The following TTC6 variants were observed in gnomAD, a reference collection of about 807,000 sequenced individuals.
TTC6 encodes tetratricopeptide repeat protein 6.
TTC6 carries 172 observed loss-of-function variants against 210.4 expected under a neutral mutation model. That is an observed-to-expected ratio of 0.82 (90% CI 0.72 to 0.93). The LOEUF (loss-of-function observed/expected upper bound fraction) is 0.93, where lower values mean the gene tolerates loss of function less well. TTC6 is among the 40% of genes least tolerant of loss of function. TTC6 has a pLI of 0.00. For missense variants in TTC6, 2,414 were observed against 2,318.1 expected, an observed-to-expected ratio of 1.04 and a Z score of -0.85; for synonymous variants, 804 against 819.6, an observed-to-expected ratio of 0.98 and a Z score of 0.32.
intron 7 of TTC6, among the ~76,000 whole-genome samples, chr14:37,732,479 G>A (rs1434688651): frequency 1.3e-5 from 2 of 151,524 alleles, no homozygotes; most frequent in Admixed American, 6.6e-5. Flanking sequence ...CACCACGCCC[G>A]GCCTTATGTA....
chr14:37,605,857 G>T (rs900155224), intron 1 of TTC6, among the ~76,000 whole-genome samples: 1 of 151,292 alleles, frequency 6.6e-6, no homozygotes, highest in Non-Finnish European at 1.5e-5. Flanking sequence ...AGTGTTATTT[G>T]TATCTTTTCT....
chr14:37,747,406 G>A (rs1207675137), intron 10 of TTC6, among the ~76,000 whole-genome samples: 1 of 152,196 alleles, frequency 6.6e-6, no homozygotes, highest in Non-Finnish European at 1.5e-5. Flanking sequence ...AAATGATAAT[G>A]CAGTATCCTG....
intron 14 of TTC6, among the ~76,000 whole-genome samples, chr14:37,774,388 G>A (rs1370627295): frequency 1.3e-5 from 2 of 152,042 alleles, no homozygotes; most frequent in African/African-American, 2.4e-5. Flanking sequence ...TTGGTGTTGA[G>A]TATAGGTTTG....
Position 37,804,822 on chromosome 14 carries a change from G to C in TTC6, c.4164+8G>C. ...GAAGGCAATTTACAAATGGTATTTCGTGTATTTAGGAGTATAGATTATTTG... is the reference window on the plus strand; with the variant it reads ...GAAGGCAATTTACAAATGGTATTTCCTGTATTTAGGAGTATAGATTATTTG... On this transcript the variant is annotated splice_region_variant and intron_variant, in intron 21 of 30. Transcript: ENST00000553443. 8 of 1,612,548 alleles carry C rather than the reference G, an allele frequency of 5.0e-6. No homozygotes were observed. The highest frequency in any genetic ancestry group is 6.8e-6 in the Non-Finnish European group (8 of 1,179,364).
At chr14:37,832,032 C>T (rs2096186518) in intron 29 of TTC6, among the ~76,000 whole-genome samples, 1 of 152,024 alleles carries the variant, frequency 6.6e-6, no homozygotes, top group African/African-American at 2.4e-5. Flanking sequence ...TGTCTTGAAC[C>T]ATCTCCACAA....
At position 37,725,016 on chromosome 14, in the gene TTC6, T is replaced by G. The variant is rs1472242141; in HGVS notation, c.1818+14T>G. On this transcript the variant is annotated intron_variant, in intron 7 of 30. Coordinates refer to ENST00000553443, the Ensembl canonical transcript of TTC6. ...CCAAAATATGAGGTAACATACCGAA[T>G]GGGTTTTCTCTATTATTGTTGTTGT... The G allele has an allele frequency of 2.9e-6, 4 of 1,386,876 alleles. No individual in the cohort carries two copies. The highest frequency in any genetic ancestry group is 2.9e-6 in the Non-Finnish European group (3 of 1,026,458). The allele number at this position is 1,386,876 out of a possible 1,614,324, so 85.9% of individuals were successfully genotyped here.
chr14:37,817,627 A>G, exon 26 of TTC6: 1 of 1,614,042 alleles, frequency 6.2e-7, no homozygotes, highest in Non-Finnish European at 8.5e-7. Flanking sequence ...AGCCTTTGTC[A>G]CGCCACTGCC....
In TTC6 at chr14:37,787,649, T is replaced by G. The variant is rs1197082572; in HGVS notation, c.3436+12T>G. 6.9e-7 allele frequency: 1 copy of G among 1,441,586 alleles called. No individual in the cohort carries two copies. The highest frequency in any genetic ancestry group is 1.5e-5 in the South Asian group (1 of 67,882). 89.3% of individuals were successfully genotyped at this position (1,441,586 alleles called of 1,614,324 possible). A position where few individuals can be genotyped will look rare whatever the true frequency, so the allele number is the denominator to read the frequency against. On this transcript the variant is annotated intron_variant, in intron 15 of 30. Transcript: ENST00000553443. ...TTATAGTGTTTCAGGTACTTTGCCT[T>G]CAATTACATGTATATAGCAACCCAA...
At chr14:37,691,302 C>T (rs2095803168) in intron 3 of TTC6, among the ~76,000 whole-genome samples, 1 of 152,086 alleles carries the variant, frequency 6.6e-6, no homozygotes, top group Non-Finnish European at 1.5e-5. Flanking sequence ...TGCACTACAG[C>T]CTGTGTGACA....
intron 14 of TTC6, among the ~76,000 whole-genome samples, chr14:37,773,001 G>A (rs1566944822): frequency 2.0e-5 from 3 of 152,104 alleles, no homozygotes; most frequent in Admixed American, 1.3e-4. Context: ...CTAACGATTA[G>A]TGATATTGAG....
At position 37,604,338 on chromosome 14, in the gene TTC6, A is replaced by T. The variant is rs2095621236; in HGVS notation, c.-234-2325A>T. On this transcript the variant is annotated intron_variant, in intron 1 of 2. Coordinates refer to the TTC6 transcript ENST00000556845. ...GATCCAGAGACTGCATCAAGTTCAC[A>T]TTAAGGACCTTCTGGGGTAAGGTGG... 2.6e-5 allele frequency among the ~76,000 whole-genome samples: 4 copies of T among 152,208 alleles called. No individual in the cohort carries two copies. In the South Asian group the frequency reaches 8.3e-4, roughly 31 times the overall value.
intron 29 of TTC6, among the ~76,000 whole-genome samples, chr14:37,834,998 G>A (rs890949300): frequency 1.2e-4 from 18 of 152,136 alleles, no homozygotes; most frequent in African/African-American, 4.1e-4. Flanking sequence ...GTGGTTATTT[G>A]TGGACACTGT....
At chr14:37,778,270 G>C (rs1468396013) in intron 14 of TTC6, among the ~76,000 whole-genome samples, 1 of 152,098 alleles carries the variant, frequency 6.6e-6, no homozygotes, top group East Asian at 1.9e-4. Flanking sequence ...GTTGGGTAGG[G>C]GTTCAGGTCC....
rs377419290 is a variant in TTC6, at chr14:37,823,727, A to G, written c.4764-20A>G. ...TGCATCAGTTCACCAGAAGGCATCA[A>G]TATTTTTATTTATTTGCAGAATTAA... is the stretch of plus-strand genomic sequence containing the variant. On this transcript the variant is annotated intron_variant, in intron 26 of 30. Coordinates refer to ENST00000553443, the Ensembl canonical transcript of TTC6. The G allele has an allele frequency of 5.0e-6, 8 of 1,604,662 alleles. No homozygotes were observed. In the African/African-American group the frequency reaches 8.0e-5, roughly 16 times the overall value.
chr14:37,670,307 C>G (rs2095755722), intron 1 of TTC6, among the ~76,000 whole-genome samples: 2 of 151,994 alleles, frequency 1.3e-5, no homozygotes, highest in Admixed American at 1.3e-4. Context: ...TGGAATGTGT[C>G]TTTCAAAGTT....
chr14:37,772,873 C>T (rs1256473467), intron 14 of TTC6, among the ~76,000 whole-genome samples: 1 of 152,218 alleles, frequency 6.6e-6, no homozygotes, highest in Non-Finnish European at 1.5e-5. Context: ...TACATCCCCA[C>T]TAGCAGTCTA....
At chr14:37,685,867 G>A (rs2095792726) in intron 3 of TTC6, among the ~76,000 whole-genome samples, 1 of 152,038 alleles carries the variant, frequency 6.6e-6, no homozygotes, top group South Asian at 2.1e-4. Flanking sequence ...TTAAGTGTAA[G>A]GGTTGAGATT....
chr14:37,660,541 G>A lies in TTC6; in HGVS notation c.940-19610G>A, dbSNP rs549352103. On this transcript the variant is annotated intron_variant, in intron 1 of 30. Transcript: ENST00000553443. Reference sequence around the variant, plus strand: ...GGATAATGGCTTCCAGCCTGGCTGCGTAGTATTCCATGGTGTATATGTACC... The same window carrying A: ...GGATAATGGCTTCCAGCCTGGCTGCATAGTATTCCATGGTGTATATGTACC... 3.4e-4 allele frequency among the ~76,000 whole-genome samples: 52 copies of A among 151,070 alleles called. No individual in the cohort carries two copies. The South Asian group carries it at 7.7e-3, about 22-fold the overall frequency.
intron 1 of TTC6, among the ~76,000 whole-genome samples, chr14:37,639,009 C>G (rs1399721685): frequency 6.6e-6 from 1 of 152,162 alleles, no homozygotes; most frequent in East Asian, 1.9e-4. Context: ...TACATACGTA[C>G]AAATACGTTT....
Sources: gnomAD v4.1 joint callset for allele counts (sites outside exome capture counted in the v4.1 genomes callset) on GRCh38, gnomAD v4.1.1 for gene constraint, MANE v1.5 for transcripts, NCBI Gene and HGNC (gene_info 2026-07-23, HGNC 2026-07-21) for gene names.